Variants in TRHDE observed in about 807,000 individuals in gnomAD.
TRHDE encodes the protein thyrotropin releasing hormone degrading enzyme.
Under a neutral mutation model 125.7 loss-of-function variants are expected in TRHDE, and 72 were observed. The observed-to-expected ratio is 0.57, with a 90% CI of 0.47 to 0.70. The LOEUF (loss-of-function observed/expected upper bound fraction) is 0.70. TRHDE is among the 30% of genes least tolerant of loss of function. TRHDE has a pLI of 0.00. For synonymous variants in TRHDE, 509 were observed against 509.1 expected (o/e 1.00, Z 0.00); for missense variants, 1,110 against 1,327.1 (o/e 0.84, Z 2.54).
chr12:72,089,207 T>C (rs1874735930), intron 1 of TRHDE, among the ~76,000 whole-genome samples: 1 of 152,162 alleles, frequency 6.6e-6, no homozygotes, highest in Admixed American at 6.6e-5. Context: ...ACCACTTTTG[T>C]TGCTGCCATC....
At chr12:72,592,491 G>C (rs1489305202) in intron 12 of TRHDE, among the ~76,000 whole-genome samples, 1 of 151,686 alleles carries the variant, frequency 6.6e-6, no homozygotes, top group African/African-American at 2.4e-5. Context: ...CTATTATTTT[G>C]ATTCCTCATA....
chr12:72,283,459 T>C (rs1353764240), intron 1 of TRHDE, among the ~76,000 whole-genome samples: 1 of 152,152 alleles, frequency 6.6e-6, no homozygotes, highest in African/African-American at 2.4e-5. Flanking sequence ...GTGAAATTGG[T>C]ATTTCCTCAT....
At chr12:72,416,712 C>T (rs1170842005) in intron 3 of TRHDE, among the ~76,000 whole-genome samples, 5 of 152,014 alleles carry the variant, frequency 3.3e-5, no homozygotes, top group Non-Finnish European at 7.4e-5. Flanking sequence ...TTTCTGGGTT[C>T]TCTATTCTGT....
intron 2 of TRHDE, among the ~76,000 whole-genome samples, chr12:72,170,483 G>T (rs1374373389): frequency 3.3e-5 from 5 of 152,132 alleles, no homozygotes; most frequent in African/African-American, 9.7e-5. Flanking sequence ...GTGGTGTAAA[G>T]AATCTTTTTA....
intron 9 of TRHDE, among the ~76,000 whole-genome samples, chr12:72,566,053 T>C (rs1188941543): frequency 1.3e-5 from 2 of 152,072 alleles, no homozygotes; most frequent in Non-Finnish European, 2.9e-5. Context: ...TTCTAGTCTT[T>C]TAAGTTATAA....
At chr12:72,217,815 CTA>C (rs1306002142) in intron 2 of TRHDE, among the ~76,000 whole-genome samples, 2 of 152,100 alleles carry the variant, frequency 1.3e-5, no homozygotes, top group African/African-American at 4.8e-5. Context: ...AAGTTTTTTA[CTA>C]TGTTTGATGG....
intron 6 of TRHDE, among the ~76,000 whole-genome samples, chr12:72,540,367 A>C (rs933728486): frequency 7.9e-5 from 12 of 151,618 alleles, no homozygotes; most frequent in African/African-American, 2.7e-4. Context: ...TCCTGTTACC[A>C]CTCTCTCCAG....
chr12:72,596,727 G>T (rs1871956891), intron 12 of TRHDE, among the ~76,000 whole-genome samples: 1 of 152,132 alleles, frequency 6.6e-6, no homozygotes, highest in South Asian at 2.1e-4. Context: ...TCTCCATTCA[G>T]CATTATCTGA....
intron 3 of TRHDE, among the ~76,000 whole-genome samples, chr12:72,405,762 TATGAAGA>T (rs1873240807): frequency 1.3e-5 from 2 of 152,206 alleles, no homozygotes; most frequent in South Asian, 4.1e-4. Flanking sequence ...CATAATATTT[TATGAAGA>T]TTATATTCTC....
chr12:72,258,665 T>G (rs528937003), intron 2 of TRHDE, among the ~76,000 whole-genome samples: 2 of 152,192 alleles, frequency 1.3e-5, no homozygotes, highest in African/African-American at 4.8e-5. Flanking sequence ...GTTGTTCTCA[T>G]GTCTTTATAG....
At chr12:72,493,182 T>C (rs1877761396) in intron 5 of TRHDE, among the ~76,000 whole-genome samples, 1 of 151,924 alleles carries the variant, frequency 6.6e-6, no homozygotes, top group Admixed American at 6.6e-5. Flanking sequence ...ACTTCCTTTA[T>C]CTGTACCTAA....
In TRHDE at chr12:72,543,801, AT is replaced by A. The variant is rs949807869; in HGVS notation, c.1788+1447del. Among the ~76,000 whole-genome samples, 124 of 118,448 alleles carry A rather than the reference AT, an allele frequency of 1.0e-3. 1 individual carries two copies. The highest frequency in any genetic ancestry group is 4.2e-3 in the African/African-American group (120 of 28,436). The allele number at this position is 118,448 out of a possible 152,430, so 77.7% of individuals were successfully genotyped here. The stretch of plus-strand genomic sequence containing the variant: ...AAAGGATTATTATTTGGAAAGGATT[AT>A]TATTATTATTATTATTATTATTATT... On this transcript the variant is annotated intron_variant, in intron 7 of 18. Coordinates refer to ENST00000261180, the MANE Select transcript of TRHDE (RefSeq NM_013381.3).
At chr12:72,229,467 A>G (rs1432108333) in intron 2 of TRHDE, among the ~76,000 whole-genome samples, 2 of 152,202 alleles carry the variant, frequency 1.3e-5, no homozygotes, top group African/African-American at 4.8e-5. Context: ...GCTACAATCC[A>G]AGATGAGATT....
intron 15 of TRHDE, among the ~76,000 whole-genome samples, chr12:72,633,753 T>C (rs1327187245): frequency 6.6e-6 from 1 of 152,152 alleles, no homozygotes; most frequent in African/African-American, 2.4e-5. Context: ...GGTACTATAT[T>C]TGATTGACAA....
chr12:72,226,283 A>G (rs577226916), intron 2 of TRHDE, among the ~76,000 whole-genome samples: 1 of 152,300 alleles, frequency 6.6e-6, no homozygotes, highest in South Asian at 2.1e-4. Context: ...GAAACATAAC[A>G]TTCTTAGCCC....
At chr12:72,567,532 C>T (rs1313449705) in intron 9 of TRHDE, among the ~76,000 whole-genome samples, 1 of 151,878 alleles carries the variant, frequency 6.6e-6, no homozygotes, top group Non-Finnish European at 1.5e-5. Context: ...AGGAAATGCC[C>T]TTCTCTCTCA....
intron 1 of TRHDE, among the ~76,000 whole-genome samples, chr12:72,280,300 A>C (rs1240693839): frequency 1.3e-5 from 2 of 152,186 alleles, no homozygotes; most frequent in Non-Finnish European, 2.9e-5. Context: ...ACAGTGTCTG[A>C]TAATTGGTAA....
chr12:72,437,918 A>G (rs1302106576), intron 3 of TRHDE, among the ~76,000 whole-genome samples: 2 of 151,770 alleles, frequency 1.3e-5, no homozygotes, highest in Non-Finnish European at 3.0e-5. Context: ...GAGCCAATTT[A>G]TTTCCAACCC....
chr12:72,384,881 T>G (rs1404178452), intron 3 of TRHDE, among the ~76,000 whole-genome samples: 1 of 152,134 alleles, frequency 6.6e-6, no homozygotes. Context: ...ATTATTAAAT[T>G]TCTATAGAAT....
Sources: gnomAD v4.1 joint callset for allele counts (sites outside exome capture counted in the v4.1 genomes callset) on GRCh38, gnomAD v4.1.1 for gene constraint, MANE v1.5 for transcripts, NCBI Gene and HGNC (gene_info 2026-07-23, HGNC 2026-07-21) for gene names.